SLC12A2: variants seen among roughly 807,000 people sequenced by gnomAD.
The protein encoded by SLC12A2 is Na-K-2Cl cotransporter 1.
In SLC12A2, 67 loss-of-function variants were observed where a neutral mutation model predicts 136.3. The ratio of observed to expected loss-of-function variants is 0.49; its 90% CI spans 0.40 to 0.60. The LOEUF (loss-of-function observed/expected upper bound fraction) is 0.60, where lower values mean the gene tolerates loss of function less well. Ranked by LOEUF, SLC12A2 falls within the 20% of genes least tolerant of loss-of-function variation. The pLI is 0.00. For synonymous variants in SLC12A2, 619 were observed against 562.9 expected, an observed-to-expected ratio of 1.10 and a Z score of -1.41; for missense variants, 1,322 against 1,534.7, an observed-to-expected ratio of 0.86 and a Z score of 2.32.
At chr5:128,092,239 CATT>C (rs1337101162) in intron 1 of SLC12A2, among the ~76,000 whole-genome samples, 1 of 152,254 alleles carries the variant, frequency 6.6e-6, no homozygotes, top group Non-Finnish European at 1.5e-5. Context: ...CAATACCTCT[CATT>C]GTATCAGTCA....
At chr5:128,098,114 C>A (rs887818167) in intron 1 of SLC12A2, among the ~76,000 whole-genome samples, 1 of 152,064 alleles carries the variant, frequency 6.6e-6, no homozygotes, top group Non-Finnish European at 1.5e-5. Context: ...TGACTTTCAG[C>A]AGTTTGTGCT....
chr5:128,097,049 A>C (rs908484776), intron 1 of SLC12A2, among the ~76,000 whole-genome samples: 1 of 152,118 alleles, frequency 6.6e-6, no homozygotes, highest in Non-Finnish European at 1.5e-5. Context: ...TCAGTGAACT[A>C]TACAATTTTG....
rs1762911711 is a variant in SLC12A2, at chr5:128,157,856, G to A, written c.2364-197G>A. The A allele has an allele frequency of 1.6e-5, 8 of 507,822 alleles. No homozygotes were observed. In the South Asian group the frequency reaches 2.7e-4, roughly 17 times the overall value. The allele number at this position is 507,822 out of a possible 1,614,324, so 31.5% of individuals were successfully genotyped here. A position where few individuals can be genotyped will look rare whatever the true frequency, so the allele number is the denominator to read the frequency against. On this transcript the variant is annotated intron_variant, in intron 15 of 26. Transcript: ENST00000262461. The stretch of plus-strand genomic sequence containing the variant: ...ATTATTTTAGAGGGACATTTGGCAT[G>A]ATGTTTGTTCCAAGATTTTGTTTCT...
At chr5:128,158,006 G>A in intron 15 of SLC12A2, 47 bp from the exon 16 acceptor site, 4 of 1,525,128 alleles carry the variant, frequency 2.6e-6, no homozygotes, top group Non-Finnish European at 3.6e-6. Context: ...CTTGTTGCCA[G>A]AAACACAAAT....
At chr5:128,128,166 A>G (rs1367666386) in intron 4 of SLC12A2, among the ~76,000 whole-genome samples, 3 of 152,202 alleles carry the variant, frequency 2.0e-5, no homozygotes, top group African/African-American at 7.2e-5. Flanking sequence ...AGTAATATAC[A>G]GTGTGTTATT....
intron 1 of SLC12A2, chr5:128,110,496 T>C (rs1418649355): frequency 7.7e-6 from 11 of 1,430,858 alleles, no homozygotes; most frequent in Admixed American, 5.0e-5. Flanking sequence ...TCACCAACTT[T>C]TTCTTCTTTA....
At chr5:128,131,958 T>C (rs1328761402) in intron 5 of SLC12A2, among the ~76,000 whole-genome samples, 7 of 152,190 alleles carry the variant, frequency 4.6e-5, no homozygotes, top group African/African-American at 1.7e-4. Context: ...TGAGCCGAGA[T>C]CGCGCCTTTG....
chr5:128,138,456 G>T, intron 7 of SLC12A2, 141 bp from the exon 8 acceptor site: 2 of 682,674 alleles, frequency 2.9e-6, no homozygotes, highest in Non-Finnish European at 4.9e-6. Flanking sequence ...CCAAATACTT[G>T]AACTGGGAAA....
At position 128,150,003 on chromosome 5, in the gene SLC12A2, T is replaced by C; in HGVS notation, c.2012T>C (p.Leu671Pro). 6.2e-7 allele frequency: 1 copy of C among 1,607,412 alleles called. No homozygotes were observed. The highest frequency in any genetic ancestry group is 8.5e-7 in the Non-Finnish European group (1 of 1,175,612). ...IALGFILIAE[L>P]NVIAPIISNF... is the part of the protein sequence containing the mutation. ...GCATGTGTTTGTTCTGCAGCTGAAC[T>C]GAATGTTATTGCACCAATTATCTCA... The change falls in exon 13 of 27, where the codon CTG becomes CCG. Residue 671 changes from leucine to proline, a missense_variant. Physicochemically the swap from Leu to Pro is moderately conservative, Grantham distance 98. Coordinates refer to ENST00000262461, the MANE Select transcript of SLC12A2 (RefSeq NM_001046.3).
intron 1 of SLC12A2, among the ~76,000 whole-genome samples, chr5:128,106,539 TAA>T (rs1223026043): frequency 6.6e-6 from 1 of 152,158 alleles, no homozygotes; most frequent in Non-Finnish European, 1.5e-5. Context: ...GAACTACAAA[TAA>T]AAAGTTATTT....
intron 1 of SLC12A2, among the ~76,000 whole-genome samples, chr5:128,095,948 C>G (rs1255116566): frequency 6.6e-6 from 1 of 151,974 alleles, no homozygotes; most frequent in African/African-American, 2.4e-5. Context: ...TTTGAAATAC[C>G]CTGATATTGA....
chr5:128,109,403 C>T, intron 1 of SLC12A2: 1 of 332,480 alleles, frequency 3.0e-6, no homozygotes, highest in Non-Finnish European at 5.9e-6. Context: ...GCCGGTGTGC[C>T]CCTGCCGAAG....
chr5:128,110,961 C>G (rs1386988799), intron 1 of SLC12A2: 1 of 812,970 alleles, frequency 1.2e-6, no homozygotes, highest in Admixed American at 1.7e-5. Context: ...TCTTCCCTTG[C>G]ACTTGCCATA....
At chr5:128,143,568 A>G in intron 10 of SLC12A2, among the ~76,000 whole-genome samples, 1 of 152,262 alleles carries the variant, frequency 6.6e-6, no homozygotes, top group South Asian at 2.1e-4. Context: ...AAACTGAAAA[A>G]AGATTATATA....
intron 10 of SLC12A2, among the ~76,000 whole-genome samples, chr5:128,144,524 T>G (rs529817983): frequency 6.6e-6 from 1 of 152,184 alleles, no homozygotes; most frequent in Non-Finnish European, 1.5e-5. Flanking sequence ...TATAGTCTTA[T>G]ATTGCTTGCT....
rs991808845 is a variant in SLC12A2 at position 128,174,794 on chromosome 5, G to A, written c.2929+128G>A. The A allele has an allele frequency of 5.8e-5, 41 of 709,616 alleles. 1 individual carries two copies. The highest frequency in any genetic ancestry group is 8.7e-5 in the Non-Finnish European group (41 of 473,924). The allele number at this position is 709,616 out of a possible 1,614,324, so 44.0% of individuals were successfully genotyped here. A position where few individuals can be genotyped will look rare whatever the true frequency, so the allele number is the denominator to read the frequency against. ...AACTTGTACTGGTCATTTCTAGCTG[G>A]TCAGGTAAAATTTATGGCTTTCAAA... On this transcript the variant is annotated intron_variant, in intron 20 of 26. Coordinates refer to ENST00000262461, the MANE Select transcript of SLC12A2 (RefSeq NM_001046.3).
At chr5:128,111,046 C>A in intron 1 of SLC12A2, 3 of 653,118 alleles carry the variant, frequency 4.6e-6, no homozygotes, top group Admixed American at 4.7e-5. Flanking sequence ...AGACTCTTAA[C>A]TAAAAAGAAT....
chr5:128,142,353 T>G (rs922397646), intron 10 of SLC12A2, among the ~76,000 whole-genome samples: 2 of 152,182 alleles, frequency 1.3e-5, no homozygotes, highest in African/African-American at 2.4e-5. Flanking sequence ...TCCACCTGCA[T>G]GGGCCTCCCA....
chr5:128,186,369 A>G, intron 26 of SLC12A2, 127 bp from the exon 27 acceptor site: 1 of 958,736 alleles, frequency 1.0e-6, no homozygotes, highest in Non-Finnish European at 1.5e-6. Context: ...GCACTCAGAA[A>G]TATTCTGTAA....
Sources: allele counts gnomAD v4.1 joint callset (sites outside exome capture counted in the v4.1 genomes callset), GRCh38; gene constraint gnomAD v4.1.1; transcripts MANE v1.5; gene names NCBI Gene and HGNC (gene_info 2026-07-23, HGNC 2026-07-21).